Variants in ACOT7 observed in about 807,000 individuals in gnomAD.
The protein encoded by ACOT7 is acyl-CoA thioesterase 7.
In ACOT7, 12 loss-of-function variants were observed where a neutral mutation model predicts 40.2. The ratio of observed to expected loss-of-function variants is 0.30; its 90% CI spans 0.19 to 0.48. ACOT7 has a LOEUF of 0.48. Ranked by LOEUF, ACOT7 falls within the 20% of genes least tolerant of loss-of-function variation. The pLI, the probability that ACOT7 is intolerant of heterozygous loss-of-function variation, is 0.99. For missense variants in ACOT7, 395 were observed against 530.8 expected, an observed-to-expected ratio of 0.74 and a Z score of 2.51; for synonymous variants, 228 against 219.5, an observed-to-expected ratio of 1.04 and a Z score of -0.34.
chr1:6,327,459 C>T (rs755962453), intron 4 of ACOT7, 46 bp from the exon 5 acceptor site: 3 of 1,584,452 alleles, frequency 1.9e-6, no homozygotes, highest in Non-Finnish European at 2.6e-6. Context: ...GACACGGCCT[C>T]CTCCCCTCGC....
At chr1:6,328,856 GGGCCCTCGGGGCCTGTGT>G (rs1226168868) in intron 4 of ACOT7, among the ~76,000 whole-genome samples, 1 of 150,200 alleles carries the variant, frequency 6.7e-6, no homozygotes, top group East Asian at 1.9e-4. Context: ...ACCCTCGGAG[GGGCCCTCGGGGCCTGTGT>G]GCTGGCCGCA....
chr1:6,318,405 A>G, intron 6 of ACOT7, 87 bp downstream of exon 6: 1 of 1,403,326 alleles, frequency 7.1e-7, no homozygotes, highest in East Asian at 2.4e-5. Flanking sequence ...CAAGAGCCTC[A>G]AGTGTGTCAG....
intron 2 of ACOT7, among the ~76,000 whole-genome samples, chr1:6,344,621 G>A (rs1009332086): frequency 6.6e-5 from 10 of 151,844 alleles, no homozygotes; most frequent in Admixed American, 1.3e-4. Context: ...AAAACTAGCC[G>A]GGTGTGGTGG....
rs536663139 is a variant in ACOT7 at position 6,358,234 on chromosome 1, C to T, written c.144-8368G>A. 3.7e-4 allele frequency among the ~76,000 whole-genome samples: 56 copies of T among 152,174 alleles called. No homozygotes were observed. Among genetic ancestry groups the T allele is most frequent in the South Asian group, 3.3e-3 (16 of 4,822 alleles). ...GCGAAGTCCCTTCAACCCACAGACA[C>T]GCCACTGCATCTCCAGAAGAGGGAA... On this transcript the variant is annotated intron_variant, in intron 1 of 8. Transcript: ENST00000361521. The surrounding 1 kb of genome is among the most constrained non-coding windows in gnomAD (Gnocchi z 4.1).
intron 1 of ACOT7, among the ~76,000 whole-genome samples, chr1:6,387,940 T>C (rs1187389032): frequency 1.3e-5 from 2 of 149,528 alleles, no homozygotes. Context: ...CTTTGTTTTT[T>C]TTTTTTTCTT....
chr1:6,295,253 C>T (rs1021522169), intron 6 of ACOT7: 2 of 284,328 alleles, frequency 7.0e-6, no homozygotes, highest in African/African-American at 4.4e-5. Flanking sequence ...TCTCACCCTG[C>T]TGGGCAAGTT....
intron 1 of ACOT7, among the ~76,000 whole-genome samples, chr1:6,391,919 G>C (rs75396056): frequency 0.14 from 20,636 of 152,028 alleles, 2,100 homozygotes; most frequent in African/African-American, 0.29. Flanking sequence ...CCTGATGCAG[G>C]CTGTCTGTCT....
chr1:6,333,513 C>A lies in ACOT7; in HGVS notation c.474G>T (p.Lys158Asn), dbSNP rs760215965. Residue 158 changes from lysine to asparagine, a missense_variant, in exon 4 of 9, where the codon AAG becomes AAT. Physicochemically the swap from Lys to Asn is moderately conservative, Grantham distance 94. Transcript: ENST00000361521. ...ATLWYVPLSLKNVDKVLEVPP... is the reference protein window; with the variant it reads ...ATLWYVPLSLNNVDKVLEVPP... Reference sequence around the variant, plus strand: ...GCACCTCGAGGACCTTGTCCACATTCTTCAGCGACAGGGGCACATACCACA... The same window carrying A: ...GCACCTCGAGGACCTTGTCCACATTATTCAGCGACAGGGGCACATACCACA... 1.2e-5 allele frequency: 19 copies of A among 1,614,148 alleles called. No homozygotes were observed. The African/African-American group carries it at 2.5e-4, about 22-fold the overall frequency.
At position 6,264,495 on chromosome 1, in the gene ACOT7, C is replaced by T; in HGVS notation, c.*102G>A. 9.3e-7 allele frequency: 1 copy of T among 1,069,966 alleles called. No homozygotes were observed. The highest frequency in any genetic ancestry group is 1.3e-6 in the Non-Finnish European group (1 of 744,588). 66.3% of individuals were successfully genotyped at this position (1,069,966 alleles called of 1,614,324 possible). On this transcript the variant is annotated 3_prime_UTR_variant, in exon 9 of 9. Coordinates refer to ENST00000361521, the MANE Select transcript of ACOT7 (RefSeq NM_007274.4). ...GAAAACTTCAGACAACACCAGCTCT[C>T]AATGTGAATTGGGTTTTTGGCCAAG...
intron 4 of ACOT7, among the ~76,000 whole-genome samples, chr1:6,328,397 G>A (rs912995996): frequency 2.0e-5 from 3 of 152,200 alleles, no homozygotes; most frequent in East Asian, 3.9e-4. Flanking sequence ...ATGGTGGCTC[G>A]TGCCTGTAAT....
At chr1:6,323,716 C>CAAAAAAAA (rs1171499592) in intron 5 of ACOT7, among the ~76,000 whole-genome samples, 1 of 69,110 alleles carries the variant, frequency 1.4e-5, no homozygotes, top group African/African-American at 5.4e-5. Flanking sequence ...AGACTTGTCT[C>CAAAAAAAA]AAAAAAAAAA....
chr1:6,380,703 ATAGCATAT>A, intron 1 of ACOT7, among the ~76,000 whole-genome samples: 1 of 147,288 alleles, frequency 6.8e-6, no homozygotes, highest in Non-Finnish European at 1.5e-5. Flanking sequence ...CCTTTACCTA[ATAGCATAT>A]ACAAAAAAAA....
At position 6,281,246 on chromosome 1, in the gene ACOT7, G is replaced by A; in HGVS notation, c.870C>T (p.Ser290=). The A allele has an allele frequency of 6.2e-7, 1 of 1,613,684 alleles. No homozygotes were observed. The highest frequency in any genetic ancestry group is 8.5e-7 in the Non-Finnish European group (1 of 1,180,006). Reference sequence around the variant, plus strand: ...ACACCTCGATCTCCATGGACTTATTGCTCGTGAAGGTCATGCGTCCCGAGA... The same window carrying A: ...ACACCTCGATCTCCATGGACTTATTACTCGTGAAGGTCATGCGTCCCGAGA... ...ITISGRMTFT[S]NKSMEIEVLV... Residue 290 remains serine (S), a synonymous_variant, in exon 8 of 9, where the codon AGC becomes AGT. Transcript: ENST00000361521.
intron 1 of ACOT7, among the ~76,000 whole-genome samples, chr1:6,354,014 C>A (rs1641669359): frequency 6.6e-6 from 1 of 152,174 alleles, no homozygotes; most frequent in South Asian, 2.1e-4. Context: ...TCACCCGGGC[C>A]CACAGCCCCA....
chr1:6,305,053 G>C (rs1640093311), intron 6 of ACOT7, among the ~76,000 whole-genome samples: 1 of 150,032 alleles, frequency 6.7e-6, no homozygotes, highest in African/African-American at 2.5e-5. Flanking sequence ...CCCAGATGGG[G>C]CGGCTGGCCG....
At chr1:6,312,495 G>C (rs576817590) in intron 6 of ACOT7, among the ~76,000 whole-genome samples, 2 of 138,840 alleles carry the variant, frequency 1.4e-5, no homozygotes, top group Non-Finnish European at 3.0e-5. Context: ...GCAGAGTCTC[G>C]CTCTGTCACC....
At chr1:6,300,336 A>T (rs1639931561) in intron 6 of ACOT7, among the ~76,000 whole-genome samples, 1 of 152,110 alleles carries the variant, frequency 6.6e-6, no homozygotes, top group South Asian at 2.1e-4. Context: ...ATTGCCGGGG[A>T]AGCTGGTGCC....
chr1:6,273,750 G>A (rs372106600), intron 8 of ACOT7, among the ~76,000 whole-genome samples: 232 of 152,400 alleles, frequency 1.5e-3, no homozygotes, highest in Non-Finnish European at 2.5e-3. Flanking sequence ...CACGGGCGCA[G>A]CGGTGCCCAT....
chr1:6,290,416 G>A (rs375323181), intron 7 of ACOT7, among the ~76,000 whole-genome samples: 251 of 152,302 alleles, frequency 1.6e-3, no homozygotes, highest in Non-Finnish European at 2.7e-3. Context: ...TTCCTCCCAG[G>A]GGGACCAGTG....
Sources: gnomAD v4.1 joint callset for allele counts (sites outside exome capture counted in the v4.1 genomes callset) on GRCh38, gnomAD v4.1.1 for gene constraint, Gnocchi (gnomAD v3.1) non-coding constraint, MANE v1.5 for transcripts, NCBI Gene and HGNC (gene_info 2026-07-23, HGNC 2026-07-21) for gene names.